Variants in AK8 observed in about 807,000 individuals in gnomAD.
The protein encoded by AK8 is ATP-AMP transphosphorylase 8.
A neutral mutation model predicts 54.6 loss-of-function variants in AK8; 44 were observed. The ratio of observed to expected loss-of-function variants is 0.81; its 90% CI spans 0.63 to 1.04. The LOEUF (loss-of-function observed/expected upper bound fraction) is 1.04, where lower values mean the gene tolerates loss of function less well. Among genes scored for constraint, AK8 ranks in the 50% least tolerant of loss-of-function variants. The pLI is 0.00. For missense variants in AK8, 555 were observed against 613.6 expected, an observed-to-expected ratio of 0.90 and a Z score of 1.01; for synonymous variants, 239 against 245.6, an observed-to-expected ratio of 0.97 and a Z score of 0.25.
chr9:132,792,572 G>A (rs1206367696), intron 11 of AK8, 62 bp downstream of exon 11: 4 of 1,517,878 alleles, frequency 2.6e-6, no homozygotes, highest in African/African-American at 2.8e-5. Context: ...CTTCAGCTGA[G>A]CCCTGGAGAG....
At chr9:132,848,978 G>C (rs1047577490) in intron 5 of AK8, among the ~76,000 whole-genome samples, 2 of 145,842 alleles carry the variant, frequency 1.4e-5, no homozygotes, top group African/African-American at 5.2e-5. Context: ...GCGTGATCTC[G>C]GCTCACTGCA....
chr9:132,766,290 T>G (rs373989321), intron 11 of AK8, among the ~76,000 whole-genome samples: 2 of 152,268 alleles, frequency 1.3e-5, no homozygotes, highest in South Asian at 4.1e-4. Flanking sequence ...TTATTTTTAT[T>G]TTTAGTGGAG....
At chr9:132,788,480 C>G (rs1839808744) in intron 11 of AK8, among the ~76,000 whole-genome samples, 1 of 152,188 alleles carries the variant, frequency 6.6e-6, no homozygotes, top group Non-Finnish European at 1.5e-5. Context: ...TCACTTTCAT[C>G]AAGAATACAT....
rs1257871058 is a variant in AK8 at position 132,803,640 on chromosome 9, C to T, written c.980-10865G>A. Reference sequence around the variant, plus strand: ...AAAACTGAAGGGAGCTCTGAGGGGGCGCATGGCTTGCCCAGGAGCACAGCT... The same window carrying T: ...AAAACTGAAGGGAGCTCTGAGGGGGTGCATGGCTTGCCCAGGAGCACAGCT... On this transcript the variant is annotated intron_variant, in intron 10 of 12. Coordinates refer to ENST00000298545, the MANE Select transcript of AK8 (RefSeq NM_152572.3). The surrounding 1 kb of genome is among the most constrained non-coding windows in gnomAD (Gnocchi z 4.4). 1.3e-5 allele frequency among the ~76,000 whole-genome samples: 2 copies of T among 152,112 alleles called. No individual in the cohort carries two copies. The highest frequency in any genetic ancestry group is 2.1e-4 in the South Asian group (1 of 4,826).
chr9:132,877,635 C>T, intron 1 of AK8: 2 of 322,730 alleles, frequency 6.2e-6, no homozygotes, highest in Non-Finnish European at 1.3e-5. Context: ...AGCTTCGGAG[C>T]TGCCGGGGAC....
At position 132,747,779 on chromosome 9, in the gene AK8, A is replaced by T. The variant is rs1341778958; in HGVS notation, c.1122-20245T>A. 3.4e-5 allele frequency among the ~76,000 whole-genome samples: 5 copies of T among 146,598 alleles called. No homozygotes were observed. In the East Asian group the frequency reaches 1.0e-3, roughly 29 times the overall value. On this transcript the variant is annotated intron_variant, in intron 11 of 12. Coordinates refer to ENST00000298545, the MANE Select transcript of AK8 (RefSeq NM_152572.3). Reference sequence around the variant, plus strand: ...TTTTTTAATTTTAATTTTTTTTTTTACAATGAGACTGTACTATTTCTACAA... The same window carrying T: ...TTTTTTAATTTTAATTTTTTTTTTTTCAATGAGACTGTACTATTTCTACAA...
chr9:132,871,970 C>T (rs1221991802), intron 2 of AK8, among the ~76,000 whole-genome samples: 1 of 152,220 alleles, frequency 6.6e-6, no homozygotes, highest in Non-Finnish European at 1.5e-5. Flanking sequence ...GAATCTGCCT[C>T]AAATTTCTTG....
At chr9:132,863,139 GAC>G (rs1843453717) in intron 4 of AK8, among the ~76,000 whole-genome samples, 3 of 152,260 alleles carry the variant, frequency 2.0e-5, no homozygotes, top group Non-Finnish European at 4.4e-5. Flanking sequence ...GTGTGGGAGG[GAC>G]AGGGGGAATG....
At chr9:132,792,498 G>A (rs1281789355) in intron 11 of AK8, 136 bp downstream of exon 11, 3 of 1,280,448 alleles carry the variant, frequency 2.3e-6, no homozygotes, top group Non-Finnish European at 3.1e-6. Flanking sequence ...GGATGGGTGG[G>A]AATGGGGATG....
At chr9:132,842,707 G>C (rs914434570) in intron 5 of AK8, among the ~76,000 whole-genome samples, 2 of 152,254 alleles carry the variant, frequency 1.3e-5, no homozygotes, top group African/African-American at 4.8e-5. Context: ...CCTCTGCTCA[G>C]TCTCAAAGGC....
rs1838904086 is a variant in AK8 at position 132,770,245 on chromosome 9, G to A, written c.1121+22389C>T. ...CAACGTGGCATTTAAAAGTGAAAGC[G>A]GAAACAAACAGCAGCCCCGCCAGCC... On this transcript the variant is annotated intron_variant, in intron 11 of 12. Coordinates refer to ENST00000298545, the MANE Select transcript of AK8 (RefSeq NM_152572.3). The surrounding 1 kb of genome is among the most constrained non-coding windows in gnomAD (Gnocchi z 4.3). 3 of 152,284 alleles carry A rather than the reference G, an allele frequency of 2.0e-5. No homozygotes were observed. Among genetic ancestry groups the A allele is most frequent in the Non-Finnish European group, 4.4e-5 (3 of 68,144 alleles). The allele number at this position is 152,284 out of a possible 1,614,324, so 9.4% of individuals were successfully genotyped here. A position where few individuals can be genotyped will look rare whatever the true frequency, so the allele number is the denominator to read the frequency against.
At chr9:132,866,811 T>G in intron 3 of AK8, 93 bp downstream of exon 3, 1 of 1,214,494 alleles carries the variant, frequency 8.2e-7, no homozygotes, top group South Asian at 1.2e-5. Context: ...AAAGCTCAGT[T>G]ATGCTACAAA....
intron 8 of AK8, among the ~76,000 whole-genome samples, chr9:132,823,705 C>T (rs1564422623): frequency 6.6e-6 from 1 of 152,242 alleles, no homozygotes; most frequent in Non-Finnish European, 1.5e-5. Flanking sequence ...GGGCTGGTGG[C>T]TTTTCCTACT....
intron 5 of AK8, among the ~76,000 whole-genome samples, chr9:132,829,250 G>A (rs549043938): frequency 6.6e-6 from 1 of 152,198 alleles, no homozygotes; most frequent in Non-Finnish European, 1.5e-5. Flanking sequence ...GAGCAACTGT[G>A]CCTGGCCTAC....
At chr9:132,745,492 C>T (rs894890504) in intron 11 of AK8, among the ~76,000 whole-genome samples, 21 of 152,134 alleles carry the variant, frequency 1.4e-4, no homozygotes, top group Admixed American at 1.4e-3. Flanking sequence ...CCGAGCTGGG[C>T]CCCGGCAGAA....
chr9:132,790,834 G>T lies in AK8; in HGVS notation c.1121+1800C>A, dbSNP rs1839915971. Among the ~76,000 whole-genome samples the T allele has an allele frequency of 6.6e-6, 1 of 152,152 alleles. No homozygotes were observed. Among genetic ancestry groups the T allele is most frequent in the African/African-American group, 2.4e-5 (1 of 41,416 alleles). On this transcript the variant is annotated intron_variant, in intron 11 of 12. Transcript: ENST00000298545. The surrounding 1 kb of genome is among the most constrained non-coding windows in gnomAD (Gnocchi z 4.1). ...AAACAGTAAGAGGGTTTGAGAAGGT[G>T]GCTGGGGTATAAAATAAGTAAGCCA...
intron 5 of AK8, among the ~76,000 whole-genome samples, chr9:132,839,414 C>T (rs1842446884): frequency 6.6e-6 from 1 of 152,228 alleles, no homozygotes; most frequent in Admixed American, 6.5e-5. Flanking sequence ...GAGACCCGTT[C>T]ATATTCCATT....
At chr9:132,736,643 G>T (rs916957080) in intron 11 of AK8, among the ~76,000 whole-genome samples, 1 of 151,658 alleles carries the variant, frequency 6.6e-6, no homozygotes, top group Non-Finnish European at 1.5e-5. Context: ...ACATTAGCCA[G>T]GCATGGTGGT....
intron 11 of AK8, among the ~76,000 whole-genome samples, chr9:132,753,001 G>A (rs759998356): frequency 5.9e-5 from 9 of 152,184 alleles, no homozygotes; most frequent in Non-Finnish European, 1.0e-4. Context: ...CTGGAACGGT[G>A]CCTGGCAAAG....
Sources: allele counts gnomAD v4.1 joint callset (sites outside exome capture counted in the v4.1 genomes callset), GRCh38; gene constraint gnomAD v4.1.1; non-coding constraint Gnocchi (gnomAD v3.1); transcripts MANE v1.5; gene names NCBI Gene and HGNC (gene_info 2026-07-23, HGNC 2026-07-21).